The following MPPED2 variants were observed in gnomAD, a reference collection of about 807,000 sequenced individuals.
The protein encoded by MPPED2 is metallophosphoesterase MPPED2.
Under a neutral mutation model 33.0 loss-of-function variants are expected in MPPED2, and 5 were observed. The observed-to-expected ratio is 0.15, with a 90% CI of 0.08 to 0.32. The LOEUF (loss-of-function observed/expected upper bound fraction) is 0.32, where lower values mean the gene tolerates loss of function less well. Among genes scored for constraint, MPPED2 ranks in the 10% least tolerant of loss-of-function variants. The pLI is 1.00. For missense variants in MPPED2, 275 were observed against 372.1 expected, an observed-to-expected ratio of 0.74 and a Z score of 2.15; for synonymous variants, 136 against 141.9, an observed-to-expected ratio of 0.96 and a Z score of 0.29.
intron 4 of MPPED2, among the ~76,000 whole-genome samples, chr11:30,419,045 T>C (rs1423753637): frequency 6.6e-6 from 1 of 152,204 alleles, no homozygotes; most frequent in Non-Finnish European, 1.5e-5. Flanking sequence ...CCTAACCACT[T>C]TCCAAGTCCT....
At chr11:30,441,719 C>T (rs117261945) in intron 4 of MPPED2, among the ~76,000 whole-genome samples, 1,543 of 152,298 alleles carry the variant, frequency 0.01, 70 homozygotes, top group Admixed American at 0.076. Flanking sequence ...TCCAGCATGA[C>T]AGCCTTCATT....
intron 6 of MPPED2, among the ~76,000 whole-genome samples, chr11:30,412,962 G>A (rs1319916678): frequency 6.6e-6 from 1 of 152,116 alleles, no homozygotes; most frequent in Non-Finnish European, 1.5e-5. Context: ...CACCTCCCTA[G>A]TCTCCCCTCC....
At chr11:30,414,099 A>C (rs1948234175) in intron 6 of MPPED2, 129 bp downstream of exon 6, 1 of 642,920 alleles carries the variant, frequency 1.6e-6, no homozygotes, top group Non-Finnish European at 2.8e-6. Context: ...GTTTCTCATA[A>C]GACTTCATCT....
chr11:30,524,985 A>C (rs548554356), intron 3 of MPPED2, among the ~76,000 whole-genome samples: 1 of 152,316 alleles, frequency 6.6e-6, no homozygotes, highest in African/African-American at 2.4e-5. Context: ...AATAATTAGA[A>C]TAATCTCCTA....
intron 4 of MPPED2, among the ~76,000 whole-genome samples, chr11:30,481,480 T>C (rs1248183424): frequency 6.6e-6 from 1 of 152,260 alleles, no homozygotes; most frequent in Non-Finnish European, 1.5e-5. Flanking sequence ...ATTAAGCTCT[T>C]GAACAAAAGC....
chr11:30,495,714 C>T (rs566235435), intron 3 of MPPED2, among the ~76,000 whole-genome samples, 193 bp from the exon 4 acceptor site: 7 of 152,184 alleles, frequency 4.6e-5, no homozygotes, highest in Non-Finnish European at 7.3e-5. Context: ...AAATAGGAAG[C>T]TGCTAAGTAG....
At chr11:30,537,446 CAT>C (rs945337391) in intron 2 of MPPED2, among the ~76,000 whole-genome samples, 4 of 152,212 alleles carry the variant, frequency 2.6e-5, no homozygotes, top group African/African-American at 9.6e-5. Flanking sequence ...ACTCCCTAAA[CAT>C]ATTGCCTCTA....
chr11:30,486,273 A>C (rs1442868919), intron 4 of MPPED2, among the ~76,000 whole-genome samples: 1 of 152,180 alleles, frequency 6.6e-6, no homozygotes, highest in Non-Finnish European at 1.5e-5. Context: ...ACTGTCTGGC[A>C]AGACCTGGAG....
intron 3 of MPPED2, among the ~76,000 whole-genome samples, chr11:30,533,360 T>A (rs1263171157): frequency 3.3e-5 from 5 of 152,120 alleles, no homozygotes; most frequent in Non-Finnish European, 5.9e-5. Flanking sequence ...TCAGGTTGTT[T>A]TCAATAATCA....
chr11:30,531,289 A>C (rs1954510788), intron 3 of MPPED2, among the ~76,000 whole-genome samples: 1 of 152,212 alleles, frequency 6.6e-6, no homozygotes, highest in Admixed American at 6.5e-5. Context: ...GATGCCCTGA[A>C]GACAGCACTA....
chr11:30,384,169 C>T (rs1205031003), downstream of MPPED2, among the ~76,000 whole-genome samples: 2 of 152,118 alleles, frequency 1.3e-5, no homozygotes, highest in Admixed American at 1.3e-4. Context: ...CAAAGACACT[C>T]CCAATACACA....
chr11:30,507,919 G>A (rs1014188385), intron 3 of MPPED2, among the ~76,000 whole-genome samples: 2 of 152,062 alleles, frequency 1.3e-5, no homozygotes, highest in Non-Finnish European at 2.9e-5. Flanking sequence ...CATGGCCCTT[G>A]GTACCCAAGG....
chr11:30,445,208 G>A (rs1308846649), intron 4 of MPPED2, among the ~76,000 whole-genome samples: 1 of 152,176 alleles, frequency 6.6e-6, no homozygotes, highest in African/African-American at 2.4e-5. Context: ...CCCGGGCTGA[G>A]GAAGGGCTCT....
chr11:30,411,176 T>C lies in MPPED2; in HGVS notation c.*292A>G. 1 of 1,046,098 alleles carries C rather than the reference T, an allele frequency of 9.6e-7. No individual in the cohort carries two copies. Among genetic ancestry groups the C allele is most frequent in the Non-Finnish European group, 1.2e-6 (1 of 868,704 alleles). 64.8% of individuals were successfully genotyped at this position (1,046,098 alleles called of 1,614,324 possible). ...CATATTAAAATAAGACTTTTATCAC[T>C]TTTTAAAAGAAAGCTTGGCTGTCCT... On this transcript the variant is annotated 3_prime_UTR_variant, in exon 7 of 7. Coordinates refer to ENST00000358117, the MANE Select transcript of MPPED2 (RefSeq NM_001584.3).
chr11:30,402,963 A>G (rs768889120), intron 6 of MPPED2, among the ~76,000 whole-genome samples: 55 of 152,214 alleles, frequency 3.6e-4, no homozygotes, highest in Non-Finnish European at 5.7e-4. Flanking sequence ...AAAACAATGT[A>G]GGCCGGGCGC....
intron 4 of MPPED2, among the ~76,000 whole-genome samples, chr11:30,462,529 T>TA (rs1171737110): frequency 6.6e-6 from 1 of 152,224 alleles, no homozygotes; most frequent in African/African-American, 2.4e-5. Flanking sequence ...AAGGGACAAT[T>TA]AGTCTTTTTA....
intron 4 of MPPED2, among the ~76,000 whole-genome samples, chr11:30,436,009 C>T (rs914603319): frequency 1.4e-5 from 2 of 142,284 alleles, no homozygotes; most frequent in African/African-American, 2.5e-5. Context: ...CTCCTTTATG[C>T]GGTGTTCCTT....
chr11:30,465,769 C>T (rs184152673), intron 4 of MPPED2, among the ~76,000 whole-genome samples: 17 of 152,150 alleles, frequency 1.1e-4, no homozygotes, highest in African/African-American at 3.6e-4. Context: ...CACTTATACA[C>T]GGATTTTTTT....
intron 4 of MPPED2, among the ~76,000 whole-genome samples, chr11:30,437,511 G>T (rs504181): frequency 0.6 from 90,572 of 151,982 alleles, 28,304 homozygotes; most frequent in African/African-American, 0.8. Flanking sequence ...GTCCTTTCCT[G>T]TTAGGAGAAT....
Sources: gnomAD v4.1 joint callset for allele counts (sites outside exome capture counted in the v4.1 genomes callset) on GRCh38, gnomAD v4.1.1 for gene constraint, MANE v1.5 for transcripts, NCBI Gene and HGNC (gene_info 2026-07-23, HGNC 2026-07-21) for gene names.